The following TRIM3 variants were observed in gnomAD, a reference collection of about 807,000 sequenced individuals.
TRIM3 encodes the protein tripartite motif containing 3.
A neutral mutation model predicts 66.6 loss-of-function variants in TRIM3; 13 were observed. That is an observed-to-expected ratio of 0.20 (90% CI 0.13 to 0.31). TRIM3 has a LOEUF of 0.31. TRIM3 is among the 10% of genes least tolerant of loss of function. The pLI, the probability that TRIM3 is intolerant of heterozygous loss-of-function variation, is 1.00. For synonymous variants in TRIM3, 406 were observed against 411.7 expected (o/e 0.99, Z 0.17); for missense variants, 711 against 1,020.4 (o/e 0.70, Z 4.13).
At chr11:6,454,386 C>CAAAAA (rs10665333) in intron 7 of TRIM3, among the ~76,000 whole-genome samples, 1 of 129,256 alleles carries the variant, frequency 7.7e-6, no homozygotes, top group Non-Finnish European at 1.6e-5. Context: ...GACCCTGTCT[C>CAAAAA]AAAAAAAAAA....
At position 6,451,067 on chromosome 11, in the gene TRIM3, G is replaced by A. The variant is rs750501622; in HGVS notation, c.1702-7C>T. 2.5e-6 allele frequency: 4 copies of A among 1,614,000 alleles called. No homozygotes were observed. The highest frequency in any genetic ancestry group is 3.4e-6 in the Non-Finnish European group (4 of 1,179,856). Reference sequence around the variant, plus strand: ...GGCCAGCTCCAATCTTGGTCTGGAGGAAGAGAATATCCATAAGAGGCTTTA... The same window carrying A: ...GGCCAGCTCCAATCTTGGTCTGGAGAAAGAGAATATCCATAAGAGGCTTTA... On this transcript the variant is annotated splice_region_variant and splice_polypyrimidine_tract_variant and intron_variant, in intron 8 of 11. Transcript: ENST00000345851.
At chr11:6,463,003 G>A (rs936855022) in intron 2 of TRIM3, among the ~76,000 whole-genome samples, 1 of 152,044 alleles carries the variant, frequency 6.6e-6, no homozygotes. Flanking sequence ...TCAGGAGTTC[G>A]AGACCAGCCT....
intron 1 of TRIM3, among the ~76,000 whole-genome samples, chr11:6,470,534 G>A (rs1850640265): frequency 6.6e-6 from 1 of 152,210 alleles, no homozygotes; most frequent in Non-Finnish European, 1.5e-5. Context: ...CTGCCAAAGC[G>A]TGGGGGTTGC....
intron 7 of TRIM3, among the ~76,000 whole-genome samples, chr11:6,454,576 G>A (rs184882339): frequency 3.3e-5 from 5 of 152,154 alleles, no homozygotes; most frequent in Non-Finnish European, 5.9e-5. Flanking sequence ...GCTGGAAGGT[G>A]TAACTGAGTA....
intron 1 of TRIM3, among the ~76,000 whole-genome samples, chr11:6,471,126 C>A (rs945429879): frequency 6.6e-6 from 1 of 152,194 alleles, no homozygotes; most frequent in Admixed American, 6.5e-5. Flanking sequence ...TGTTTCAAGG[C>A]TTTTCAGTTT....
rs1849706686 is a variant in TRIM3 at position 6,451,283 on chromosome 11, C to G, written c.1689G>C (p.Glu563Asp). Residue 563 changes from glutamate (E) to aspartate (D), a missense_variant, in exon 8 of 12, where the codon GAG becomes GAC. Glu to Asp is a conservative substitution (Grantham distance 45). This residue lies in a region of TRIM3 where 163 missense variants were observed against 321.9 expected (regional missense o/e 0.51). Coordinates refer to ENST00000345851, the MANE Select transcript of TRIM3 (RefSeq NM_033278.4). Reference sequence around the variant, plus strand: ...GCAGGCCTCTCACCTTGAACTTGCCCTCAGGGGAGAAGATGCTGACCCAAC... The same window carrying G: ...GCAGGCCTCTCACCTTGAACTTGCCGTCAGGGGAGAAGATGCTGACCCAAC... ...DNRWVSIFSP[E>D]GKFKTKIGAG... is the part of the protein sequence containing the mutation. 2.5e-6 allele frequency: 4 copies of G among 1,613,962 alleles called. No homozygotes were observed. Among genetic ancestry groups the G allele is most frequent in the African/African-American group, 1.3e-5 (1 of 74,876 alleles).
At chr11:6,473,029 T>G (rs1273131339) in intron 1 of TRIM3, 3 of 152,668 alleles carry the variant, frequency 2.0e-5, no homozygotes, top group Non-Finnish European at 4.4e-5. Context: ...GTTGTCCACA[T>G]CAGAGAACCC....
At chr11:6,454,207 C>T (rs185013122) in intron 7 of TRIM3, among the ~76,000 whole-genome samples, 6 of 151,986 alleles carry the variant, frequency 3.9e-5, no homozygotes, top group Admixed American at 1.3e-4. Flanking sequence ...AGTGAAACCC[C>T]GTCTTTACTA....
chr11:6,451,525 G>A, intron 7 of TRIM3, 87 bp from the exon 8 acceptor site: 1 of 1,419,518 alleles, frequency 7.0e-7, no homozygotes, highest in Non-Finnish European at 9.7e-7. Flanking sequence ...TGAGGGAGGA[G>A]ACCCCCCCAC....
At chr11:6,451,533 C>CA (rs1849720209) in intron 7 of TRIM3, 95 bp from the exon 8 acceptor site, 13 of 1,355,446 alleles carry the variant, frequency 9.6e-6, no homozygotes, top group Non-Finnish European at 1.3e-5. Flanking sequence ...GAGACCCCCC[C>CA]ACCACCATTT....
rs753377828 is a variant in TRIM3 at position 6,457,039 on chromosome 11, G to C, written c.697-10C>G. The stretch of plus-strand genomic sequence containing the variant: ...GCTGGCTTTGCAACACCTGATGAGG[G>C]GTAGGGGAGGAGTGGGTGAGCAGAC... On this transcript the variant is annotated splice_polypyrimidine_tract_variant and intron_variant, in intron 5 of 11. Coordinates refer to ENST00000345851, the MANE Select transcript of TRIM3 (RefSeq NM_033278.4). The surrounding 1 kb of genome is among the most constrained non-coding windows in gnomAD (Gnocchi z 4.5). The C allele has an allele frequency of 6.3e-7, 1 of 1,579,710 alleles. No homozygotes were observed. Among genetic ancestry groups the C allele is most frequent in the Admixed American group, 1.7e-5 (1 of 59,382 alleles).
rs761439756 is a variant in TRIM3 at position 6,456,587 on chromosome 11, T to C, written c.1139A>G (p.Asp380Gly). ...DGTRLPVPVVDHKNGTYELVY... is the reference protein window; with the variant it reads ...DGTRLPVPVVGHKNGTYELVY... ...TAGCTCATATGTGCCATTCTTGTGG[T>C]CCACCACTGGCACCGGAAGGCGCGT... Residue 380 changes from aspartate (D) to glycine (G), a missense_variant, in exon 6 of 12, where the codon GAC (aspartate) becomes GGC (glycine). By Grantham distance (94) the Asp-to-Gly change is moderately conservative. Coordinates refer to ENST00000345851, the MANE Select transcript of TRIM3 (RefSeq NM_033278.4). The surrounding 1 kb of genome is among the most constrained non-coding windows in gnomAD (Gnocchi z 6.4). 6.2e-7 allele frequency: 1 copy of C among 1,612,758 alleles called. No individual in the cohort carries two copies. The highest frequency in any genetic ancestry group is 1.3e-5 in the African/African-American group (1 of 74,904).
At position 6,449,451 on chromosome 11, in the gene TRIM3, CG is replaced by C. The variant is rs1564960279; in HGVS notation, c.1942-6del. 6.2e-7 allele frequency: 1 copy of C among 1,611,902 alleles called. No homozygotes were observed. Among genetic ancestry groups the C allele is most frequent in the South Asian group, 1.1e-5 (1 of 90,772 alleles). On this transcript the variant is annotated splice_region_variant and splice_polypyrimidine_tract_variant and intron_variant, in intron 10 of 11. Coordinates refer to ENST00000345851, the MANE Select transcript of TRIM3 (RefSeq NM_033278.4). This position sits in a 1 kb window ranked among gnomAD's most constrained non-coding sequence, Gnocchi z 5.3. ...CTCTCCATCGGCACTGTACACCTGG[CG>C]GGGGAAGGGGCTAGGGACTGGGGAC...
Position 6,456,248 on chromosome 11 carries a change from C to G in TRIM3, c.1429+49G>C. On this transcript the variant is annotated intron_variant, in intron 6 of 11. Coordinates refer to ENST00000345851, the MANE Select transcript of TRIM3 (RefSeq NM_033278.4). This position sits in a 1 kb window ranked among gnomAD's most constrained non-coding sequence, Gnocchi z 6.4. Reference sequence around the variant, plus strand: ...ATCTTGAACCTCCCTTCCCTCCCCACCCACTACCTGAGCCTGGCCCATCTG... The same window carrying G: ...ATCTTGAACCTCCCTTCCCTCCCCAGCCACTACCTGAGCCTGGCCCATCTG... 1 of 1,597,708 alleles carries G rather than the reference C, an allele frequency of 6.3e-7. No individual in the cohort carries two copies. Among genetic ancestry groups the G allele is most frequent in the African/African-American group, 1.3e-5 (1 of 74,906 alleles).
At chr11:6,467,055 G>T (rs1850499594) in intron 1 of TRIM3, among the ~76,000 whole-genome samples, 1 of 152,124 alleles carries the variant, frequency 6.6e-6, no homozygotes. Context: ...CTTTGTACAG[G>T]TGTTAGGAAT....
At chr11:6,454,893 A>G (rs1356400375) in intron 7 of TRIM3, among the ~76,000 whole-genome samples, 1 of 152,172 alleles carries the variant, frequency 6.6e-6, no homozygotes, top group Non-Finnish European at 1.5e-5. Flanking sequence ...AGGTGTTTAG[A>G]AGTAAGGATC....
intron 1 of TRIM3, 38 bp from the exon 2 acceptor site, chr11:6,465,770 C>G (rs982144353): frequency 6.4e-7 from 1 of 1,567,768 alleles, no homozygotes; most frequent in East Asian, 2.3e-5. Context: ...GAGTCCAGAA[C>G]TTCTTCTCCC....
intron 7 of TRIM3, chr11:6,452,578 C>T (rs1423481198): frequency 6.7e-6 from 1 of 149,178 alleles, no homozygotes; most frequent in Non-Finnish European, 1.5e-5. Flanking sequence ...GTCCCACCAA[C>T]AGGCATCACT....
Position 6,457,345 on chromosome 11 carries a change from T to C in TRIM3, c.647A>G (p.Lys216Arg), listed in dbSNP as rs759731962. Residue 216 changes from lysine (K) to arginine (R), a missense_variant, in exon 5 of 12, where the codon AAG becomes AGG. Physicochemically the swap from Lys to Arg is conservative, Grantham distance 26. Transcript: ENST00000345851. The surrounding 1 kb of genome is among the most constrained non-coding windows in gnomAD (Gnocchi z 4.5). ...EDLEQALQQR[K>R]QALVSDLETI... ...CTCCAGGTCGCTGACCAGAGCCTGC[T>C]TGCGCTGCTGCAGTGCTTGCTCCAG... is the stretch of plus-strand genomic sequence containing the variant. The C allele has an allele frequency of 3.7e-6, 6 of 1,614,180 alleles. No homozygotes were observed. The highest frequency in any genetic ancestry group is 2.2e-5 in the East Asian group (1 of 44,882).
Sources: allele counts gnomAD v4.1 joint callset (sites outside exome capture counted in the v4.1 genomes callset), GRCh38; gene constraint gnomAD v4.1.1; regional missense constraint gnomAD v4.1.1; non-coding constraint Gnocchi (gnomAD v3.1); transcripts MANE v1.5; gene names NCBI Gene and HGNC (gene_info 2026-07-23, HGNC 2026-07-21).